ZMAT4: variants seen among roughly 807,000 people sequenced by gnomAD.
ZMAT4 encodes the protein zinc finger matrin-type 4.
In ZMAT4, 17 loss-of-function variants were observed where a neutral mutation model predicts 28.7. The ratio of observed to expected loss-of-function variants is 0.59; its 90% CI spans 0.41 to 0.89. The LOEUF is 0.89. Ranked by LOEUF, ZMAT4 falls within the 40% of genes least tolerant of loss-of-function variation. ZMAT4 has a pLI of 0.00. For missense variants in ZMAT4, 240 were observed against 283.8 expected, an observed-to-expected ratio of 0.85 and a Z score of 1.11; for synonymous variants, 117 against 109.2, an observed-to-expected ratio of 1.07 and a Z score of -0.44.
intron 5 of ZMAT4, among the ~76,000 whole-genome samples, chr8:40,662,419 T>G (rs1358079967): frequency 6.6e-6 from 1 of 152,202 alleles, no homozygotes; most frequent in East Asian, 1.9e-4. Flanking sequence ...GACTCTAATG[T>G]TTAAAATCCG....
At chr8:40,597,526 C>T (rs1805146418) in intron 5 of ZMAT4, among the ~76,000 whole-genome samples, 1 of 152,172 alleles carries the variant, frequency 6.6e-6, no homozygotes, top group African/African-American at 2.4e-5. Context: ...CTTGAGTGCT[C>T]CAGCTAAACT....
chr8:40,640,178 A>G (rs895717068), intron 5 of ZMAT4, among the ~76,000 whole-genome samples: 1 of 152,058 alleles, frequency 6.6e-6, no homozygotes, highest in African/African-American at 2.4e-5. Context: ...AAGTCTCCCT[A>G]AGCTGTCCAG....
rs377562891 is a variant in ZMAT4 at position 40,649,471 on chromosome 8, G to T, written c.577+25233C>A. Among the ~76,000 whole-genome samples the T allele has an allele frequency of 6.9e-3, 1,043 of 152,058 alleles. 8 individuals carry two copies. Among genetic ancestry groups the T allele is most frequent in the African/African-American group, 0.023 (948 of 41,448 alleles). On this transcript the variant is annotated intron_variant, in intron 5 of 6. Coordinates refer to ENST00000297737, the MANE Select transcript of ZMAT4 (RefSeq NM_024645.3). ...AGAGACTTAGACTCCCACACATTAAGAATGGGAGACTTTAACACCCCACTG... is the reference window on the plus strand; with the variant it reads ...AGAGACTTAGACTCCCACACATTAATAATGGGAGACTTTAACACCCCACTG...
chr8:40,574,943 T>C (rs560252162), intron 6 of ZMAT4, among the ~76,000 whole-genome samples: 1 of 152,238 alleles, frequency 6.6e-6, no homozygotes, highest in East Asian at 1.9e-4. Flanking sequence ...AACCCCATGA[T>C]CTAAGCTGCT....
chr8:40,707,779 T>G lies in ZMAT4; in HGVS notation c.193-10378A>C, dbSNP rs544846273. On this transcript the variant is annotated intron_variant, in intron 3 of 6. Transcript: ENST00000297737. Reference sequence around the variant, plus strand: ...ATTTGATGTTTTTTCACTTATTTAGTGGTGTATATGTTCAATACCATTCTT... The same window carrying G: ...ATTTGATGTTTTTTCACTTATTTAGGGGTGTATATGTTCAATACCATTCTT... Among the ~76,000 whole-genome samples, 3 of 152,330 alleles carry G rather than the reference T, an allele frequency of 2.0e-5. No homozygotes were observed. In the South Asian group the frequency reaches 6.2e-4, roughly 32 times the overall value.
intron 3 of ZMAT4, among the ~76,000 whole-genome samples, chr8:40,744,945 C>G (rs1477354574): frequency 6.6e-6 from 1 of 152,136 alleles, no homozygotes; most frequent in Non-Finnish European, 1.5e-5. Flanking sequence ...AGTTCAGATC[C>G]TTACATAAGA....
chr8:40,866,625 T>C (rs1817684657), intron 1 of ZMAT4, among the ~76,000 whole-genome samples: 2 of 152,104 alleles, frequency 1.3e-5, no homozygotes, highest in South Asian at 4.1e-4. Context: ...AGAAGAGGGT[T>C]AGGAAAGGAA....
intron 5 of ZMAT4, among the ~76,000 whole-genome samples, chr8:40,619,036 C>T (rs1243301099): frequency 6.6e-6 from 1 of 152,174 alleles, no homozygotes; most frequent in Non-Finnish European, 1.5e-5. Context: ...AGTAGTCCCA[C>T]CTGAGAGGTG....
chr8:40,836,543 A>G (rs1816496308), intron 1 of ZMAT4, among the ~76,000 whole-genome samples: 1 of 152,260 alleles, frequency 6.6e-6, no homozygotes, highest in South Asian at 2.1e-4. Context: ...ACTGAGGTAC[A>G]GTCACAGCAA....
chr8:40,561,907 G>A (rs1326424061), intron 6 of ZMAT4, among the ~76,000 whole-genome samples: 1 of 152,126 alleles, frequency 6.6e-6, no homozygotes, highest in African/African-American at 2.4e-5. Flanking sequence ...TCTAATCCCT[G>A]TTATAAATCC....
intron 5 of ZMAT4, among the ~76,000 whole-genome samples, chr8:40,672,469 G>T (rs1274105254): frequency 6.6e-6 from 1 of 152,172 alleles, no homozygotes; most frequent in Non-Finnish European, 1.5e-5. Flanking sequence ...TGTGCTCAAT[G>T]CTAATCGCAT....
intron 6 of ZMAT4, among the ~76,000 whole-genome samples, chr8:40,539,443 C>T (rs918455401): frequency 3.3e-5 from 5 of 152,184 alleles, no homozygotes; most frequent in Non-Finnish European, 7.3e-5. Flanking sequence ...CTATTCTTAT[C>T]TCCTCCTACT....
chr8:40,711,118 A>T (rs1810597827), intron 3 of ZMAT4, among the ~76,000 whole-genome samples: 1 of 152,182 alleles, frequency 6.6e-6, no homozygotes, highest in Non-Finnish European at 1.5e-5. Context: ...ACATGAATTC[A>T]TAGTAATATT....
At chr8:40,772,097 C>T (rs1168774813) in intron 2 of ZMAT4, among the ~76,000 whole-genome samples, 1 of 152,210 alleles carries the variant, frequency 6.6e-6, no homozygotes, top group East Asian at 1.9e-4. Flanking sequence ...CACTGAGAGT[C>T]AATCCCAGGC....
At chr8:40,730,385 T>A (rs556568060) in intron 3 of ZMAT4, among the ~76,000 whole-genome samples, 1 of 152,222 alleles carries the variant, frequency 6.6e-6, no homozygotes, top group Non-Finnish European at 1.5e-5. Context: ...TTTAAATCTA[T>A]CCCTCATTTG....
chr8:40,778,951 C>A (rs1204962925), intron 2 of ZMAT4, among the ~76,000 whole-genome samples: 1 of 152,136 alleles, frequency 6.6e-6, no homozygotes, highest in African/African-American at 2.4e-5. Flanking sequence ...AACCACCTGG[C>A]TAGAGAAGCT....
At chr8:40,788,979 G>T (rs987364303) in intron 2 of ZMAT4, among the ~76,000 whole-genome samples, 3 of 141,230 alleles carry the variant, frequency 2.1e-5, no homozygotes, top group African/African-American at 8.1e-5. Context: ...AAGGGAGGGA[G>T]GGAGGGAGGA....
chr8:40,714,884 A>T (rs564020735), intron 3 of ZMAT4, among the ~76,000 whole-genome samples: 1 of 151,958 alleles, frequency 6.6e-6, no homozygotes, highest in South Asian at 2.1e-4. Context: ...TCCCATCTCT[A>T]CTAAAAATAC....
At chr8:40,863,369 A>C (rs553928236) in intron 1 of ZMAT4, among the ~76,000 whole-genome samples, 180 of 152,334 alleles carry the variant, frequency 1.2e-3, no homozygotes, top group Non-Finnish European at 1.2e-3. Flanking sequence ...AATTTGGAGA[A>C]GTGGAGGTAC....
Sources: allele counts gnomAD v4.1 joint callset (sites outside exome capture counted in the v4.1 genomes callset), GRCh38; gene constraint gnomAD v4.1.1; transcripts MANE v1.5; gene names NCBI Gene and HGNC (gene_info 2026-07-23, HGNC 2026-07-21).